The following TBC1D5 variants were observed in gnomAD, a reference collection of about 807,000 sequenced individuals.
The protein encoded by TBC1D5 is TBC1 domain family, member 5.
A neutral mutation model predicts 100.3 loss-of-function variants in TBC1D5; 75 were observed. That is an observed-to-expected ratio of 0.75 (90% CI 0.62 to 0.91). The LOEUF is 0.91. Among genes scored for constraint, TBC1D5 ranks in the 40% least tolerant of loss-of-function variants. TBC1D5 has a pLI of 0.00. For synonymous variants in TBC1D5, 323 were observed against 325.6 expected (o/e 0.99, Z 0.09); for missense variants, 910 against 942.4 (o/e 0.97, Z 0.45).
At chr3:17,563,925 A>G (rs796256152) in intron 2 of TBC1D5, among the ~76,000 whole-genome samples, 101 of 152,016 alleles carry the variant, frequency 6.6e-4, no homozygotes, top group African/African-American at 2.1e-3. Context: ...TGGGACTACA[A>G]GCGCCCGCCA....
intron 1 of TBC1D5, among the ~76,000 whole-genome samples, chr3:17,655,451 TATA>T (rs372380946): frequency 5.0e-4 from 73 of 145,650 alleles, no homozygotes; most frequent in Admixed American, 8.1e-4. Context: ...AAACTTAAAG[TATA>T]ATAATAATTA....
chr3:17,379,945 G>C (rs1448050659), intron 9 of TBC1D5, among the ~76,000 whole-genome samples: 1 of 151,762 alleles, frequency 6.6e-6, no homozygotes, highest in African/African-American at 2.4e-5. Context: ...GTTGACTGCA[G>C]GTAACTGAAA....
At position 17,255,362 on chromosome 3, in the gene TBC1D5, G is replaced by A. The variant is rs566924505; in HGVS notation, c.1331+3144C>T. Among the ~76,000 whole-genome samples, 16 of 152,080 alleles carry A rather than the reference G, an allele frequency of 1.1e-4. No individual in the cohort carries two copies. In the South Asian group the frequency reaches 1.7e-3, roughly 16 times the overall value. On this transcript the variant is annotated intron_variant, in intron 16 of 21. Transcript: ENST00000253692. Reference sequence around the variant, plus strand: ...ACTACAGGCTAGTGCCACCACTCCCGTCTAATTTTTTGTATTTTTAATAGA... The same window carrying A: ...ACTACAGGCTAGTGCCACCACTCCCATCTAATTTTTTGTATTTTTAATAGA...
intron 1 of TBC1D5, among the ~76,000 whole-genome samples, chr3:17,721,487 GT>G (rs1306984293): frequency 7.0e-6 from 1 of 142,608 alleles, no homozygotes; most frequent in African/African-American, 2.5e-5. Flanking sequence ...GTGTGTGTGT[GT>G]TGTGGCTGGC....
rs189374960 is a variant in TBC1D5, at chr3:17,167,596, G to C, written c.1932+153C>G. Reference sequence around the variant, plus strand: ...GATATAATTGTTAGAAGCAGCGGGGGCACAAAGAGGTGGTGATGCAGAAGG... The same window carrying C: ...GATATAATTGTTAGAAGCAGCGGGGCCACAAAGAGGTGGTGATGCAGAAGG... On this transcript the variant is annotated intron_variant, in intron 20 of 21. Transcript: ENST00000253692. Among the ~76,000 whole-genome samples the C allele has an allele frequency of 3.9e-4, 60 of 152,326 alleles. 1 individual carries two copies. The East Asian group carries it at 9.6e-3, about 24-fold the overall frequency.
chr3:17,677,291 C>CA (rs2068769530), intron 1 of TBC1D5, among the ~76,000 whole-genome samples: 1 of 151,970 alleles, frequency 6.6e-6, no homozygotes, highest in Non-Finnish European at 1.5e-5. Flanking sequence ...ACAATGAACT[C>CA]AAACAAATTT....
intron 2 of TBC1D5, among the ~76,000 whole-genome samples, chr3:17,567,586 G>T (rs1393447902): frequency 6.6e-6 from 1 of 151,642 alleles, no homozygotes; most frequent in African/African-American, 2.4e-5. Context: ...GATATGTGAA[G>T]CGACTTCCTG....
chr3:17,730,533 C>T (rs1201694852), intron 1 of TBC1D5, among the ~76,000 whole-genome samples: 1 of 152,120 alleles, frequency 6.6e-6, no homozygotes, highest in Non-Finnish European at 1.5e-5. Context: ...GGACAGCAGC[C>T]AGCATAAACT....
At chr3:17,734,051 C>A (rs1334831119) in intron 1 of TBC1D5, among the ~76,000 whole-genome samples, 2 of 152,190 alleles carry the variant, frequency 1.3e-5, no homozygotes, top group South Asian at 4.1e-4. Flanking sequence ...TTTGACCCAG[C>A]AATTGTATTC....
chr3:17,689,912 A>T (rs1011846352), intron 1 of TBC1D5, among the ~76,000 whole-genome samples: 2 of 152,188 alleles, frequency 1.3e-5, no homozygotes, highest in Non-Finnish European at 2.9e-5. Context: ...CCCCCCAAAA[A>T]ATCAGTTATT....
intron 1 of TBC1D5, among the ~76,000 whole-genome samples, chr3:17,723,388 AC>A (rs1205930500): frequency 6.6e-6 from 1 of 152,194 alleles, no homozygotes; most frequent in Non-Finnish European, 1.5e-5. Flanking sequence ...AGACTTAAAA[AC>A]ATCCATTAAT....
In TBC1D5 at chr3:17,658,765, C is replaced by T. The variant is rs146386365; in HGVS notation, c.-100-34852G>A. On this transcript the variant is annotated intron_variant, in intron 1 of 21. Coordinates refer to ENST00000253692, the Ensembl canonical transcript of TBC1D5. ...TCAACCTCCGCCTTCCAGATTCAAG[C>T]GATTCTCGTGCCTCAGCCTCCCGAG... 9.3e-4 allele frequency among the ~76,000 whole-genome samples: 142 copies of T among 152,282 alleles called. 1 individual carries two copies. The highest frequency in any genetic ancestry group is 3.3e-3 in the African/African-American group (136 of 41,552).
At chr3:17,733,982 T>C (rs1008327578) in intron 1 of TBC1D5, among the ~76,000 whole-genome samples, 17 of 152,190 alleles carry the variant, frequency 1.1e-4, no homozygotes, top group African/African-American at 1.7e-4. Context: ...GGTTCCAGCC[T>C]GGGCAACAGT....
At chr3:17,393,117 G>T (rs547990193) in intron 8 of TBC1D5, among the ~76,000 whole-genome samples, 4 of 109,546 alleles carry the variant, frequency 3.7e-5, no homozygotes, top group African/African-American at 1.9e-4. Context: ...GTGATGATGA[G>T]GTTTTTTTTT....
rs546988032 is a variant in TBC1D5, at chr3:17,210,467, C to T, written c.1752+3740G>A. 1.1e-4 allele frequency among the ~76,000 whole-genome samples: 17 copies of T among 152,298 alleles called. No homozygotes were observed. In the East Asian group the frequency reaches 3.1e-3, roughly 28 times the overall value. ...CCTCCCAAAGTGCTGGAATTACAGG[C>T]ATGAGTCACCACGCCCAGCCATTTC... is the stretch of plus-strand genomic sequence containing the variant. On this transcript the variant is annotated intron_variant, in intron 18 of 21. Coordinates refer to ENST00000253692, the Ensembl canonical transcript of TBC1D5.
At chr3:17,571,825 G>A (rs1395421799) in intron 2 of TBC1D5, among the ~76,000 whole-genome samples, 1 of 152,020 alleles carries the variant, frequency 6.6e-6, no homozygotes, top group Non-Finnish European at 1.5e-5. Flanking sequence ...ATGCTGTGAG[G>A]AATTACAGTC....
chr3:17,541,612 T>A (rs555558760), intron 2 of TBC1D5, among the ~76,000 whole-genome samples: 1 of 152,330 alleles, frequency 6.6e-6, no homozygotes. Context: ...GTTTTTTAGA[T>A]GTAAGACTAC....
At chr3:17,285,133 G>T (rs1385416354) in intron 15 of TBC1D5, among the ~76,000 whole-genome samples, 1 of 150,984 alleles carries the variant, frequency 6.6e-6, no homozygotes, top group Non-Finnish European at 1.5e-5. Context: ...CAAAAAATTG[G>T]ATTAGTAACA....
At chr3:17,275,266 G>A (rs535048042) in intron 15 of TBC1D5, among the ~76,000 whole-genome samples, 20 of 152,294 alleles carry the variant, frequency 1.3e-4, no homozygotes, top group African/African-American at 4.1e-4. Context: ...GGTGGGCTGG[G>A]TATGGTGGTT....
Sources: allele counts gnomAD v4.1 joint callset (sites outside exome capture counted in the v4.1 genomes callset), GRCh38; gene constraint gnomAD v4.1.1; transcripts MANE v1.5; gene names NCBI Gene and HGNC (gene_info 2026-07-23, HGNC 2026-07-21).